XDH: variants seen among roughly 807,000 people sequenced by gnomAD.
XDH encodes xanthine dehydrogenase.
XDH carries 138 observed loss-of-function variants against 156.1 expected under a neutral mutation model. That is an observed-to-expected ratio of 0.88 (90% CI 0.77 to 1.02). The LOEUF is 1.02. Ranked by LOEUF, XDH falls within the 50% of genes least tolerant of loss-of-function variation. The pLI, the probability that XDH is intolerant of heterozygous loss-of-function variation, is 0.00. For missense variants in XDH, 1,849 were observed against 1,684.9 expected, an observed-to-expected ratio of 1.10 and a Z score of -1.71; for synonymous variants, 669 against 625.7, an observed-to-expected ratio of 1.07 and a Z score of -1.03.
chr2:31,404,472 G>A (rs1403069435), intron 2 of XDH, among the ~76,000 whole-genome samples: 1 of 152,180 alleles, frequency 6.6e-6, no homozygotes, highest in Non-Finnish European at 1.5e-5. Flanking sequence ...GCCATAAGCT[G>A]CAAGGTCATC....
At chr2:31,373,002 A>G (rs766320872) in intron 16 of XDH, among the ~76,000 whole-genome samples, 17 of 152,160 alleles carry the variant, frequency 1.1e-4, no homozygotes, top group Admixed American at 1.1e-3. Flanking sequence ...TTTTTGTTTT[A>G]CAAAGTAATC....
chr2:31,368,038 G>C lies in XDH; in HGVS notation c.2120C>G (p.Ser707Cys), dbSNP rs1385257707. 13 of 1,613,996 alleles carry C rather than the reference G, an allele frequency of 8.1e-6. No homozygotes were observed. In the East Asian group the frequency reaches 2.9e-4, roughly 36 times the overall value. The change falls in exon 20 of 36, where the codon TCC (serine) becomes TGC (cysteine). Residue 707 changes from serine to cysteine, a missense_variant. Ser to Cys is a moderately radical substitution (Grantham distance 112). Coordinates refer to ENST00000379416, the MANE Select transcript of XDH (RefSeq NM_000379.4). ...GATCTTCAGCTCAGGTCCATAAAAG[G>C]AGTTGTTCTTTATAGCATCCTGAGG... ...ITIEDAIKNN[S>C]FYGPELKIEK...
Position 31,414,651 on chromosome 2 carries a change from A to C in XDH, c.16T>G (p.Leu6Val). Residue 6 changes from leucine (L) to valine (V), a missense_variant, in exon 1 of 36, where the codon TTG (leucine) becomes GTG (valine). Physicochemically the swap from Leu to Val is conservative, Grantham distance 32. Coordinates refer to ENST00000379416, the MANE Select transcript of XDH (RefSeq NM_000379.4). MTADK[L>V]VFFVNGRKVV... ...TTTCTGCCATTCACAAAGAAAACCAATTTGTCTGCTGTCATTGTCACAGGT... is the reference window on the plus strand; with the variant it reads ...TTTCTGCCATTCACAAAGAAAACCACTTTGTCTGCTGTCATTGTCACAGGT... 6.2e-7 allele frequency: 1 copy of C among 1,613,980 alleles called. No homozygotes were observed. The highest frequency in any genetic ancestry group is 8.5e-7 in the Non-Finnish European group (1 of 1,179,952).
intron 24 of XDH, among the ~76,000 whole-genome samples, chr2:31,357,468 A>G (rs1191042568): frequency 6.6e-6 from 1 of 152,174 alleles, no homozygotes; most frequent in Non-Finnish European, 1.5e-5. Context: ...GATTCTACAC[A>G]CATGAATTTT....
chr2:31,368,636 C>G lies in XDH; in HGVS notation c.2005G>C (p.Gly669Arg). 2 of 1,614,174 alleles carry G rather than the reference C, an allele frequency of 1.2e-6. No homozygotes were observed. The highest frequency in any genetic ancestry group is 1.7e-6 in the Non-Finnish European group (2 of 1,180,032). ...TCCGGGGTGTCAGCAACCACAGCAC[C>G]AATGATATGCCCAACACAAGTAACC... ...DKVTCVGHII[G>R]AVVADTPEHT... The change falls in exon 19 of 36, where the codon GGT becomes CGT. Residue 669 changes from glycine to arginine, a missense_variant. Transcript: ENST00000379416.
chr2:31,335,812 G>A lies in XDH; in HGVS notation c.*146C>T. 1.1e-6 allele frequency: 1 copy of A among 897,346 alleles called. No homozygotes were observed. Among genetic ancestry groups the A allele is most frequent in the South Asian group, 1.4e-5 (1 of 70,378 alleles). 55.6% of individuals were successfully genotyped at this position (897,346 alleles called of 1,614,324 possible). On this transcript the variant is annotated 3_prime_UTR_variant, in exon 36 of 36. Coordinates refer to ENST00000379416, the MANE Select transcript of XDH (RefSeq NM_000379.4). ...ACATTTTTGATCAAAATCTTCCATT[G>A]CATTCACTTGTCTTCCAAATCCCAT... is the stretch of plus-strand genomic sequence containing the variant.
At position 31,337,613 on chromosome 2, in the gene XDH, C is replaced by T. The variant is rs375678624; in HGVS notation, c.3951+28G>A. 26 of 1,613,426 alleles carry T rather than the reference C, an allele frequency of 1.6e-5. No individual in the cohort carries two copies. In the African/African-American group the frequency reaches 3.1e-4, roughly 19 times the overall value. On this transcript the variant is annotated intron_variant, in intron 35 of 35. Coordinates refer to ENST00000379416, the MANE Select transcript of XDH (RefSeq NM_000379.4). ...CAGCCTATCCCTGGCCTCCCCTGGACTGAGTGGATGCTTGAGGGGCATCAT... is the reference window on the plus strand; with the variant it reads ...CAGCCTATCCCTGGCCTCCCCTGGATTGAGTGGATGCTTGAGGGGCATCAT...
At chr2:31,389,828 C>T (rs555026490) in intron 6 of XDH, among the ~76,000 whole-genome samples, 11 of 151,800 alleles carry the variant, frequency 7.2e-5, no homozygotes, top group African/African-American at 2.7e-4. Flanking sequence ...GCTAAGGCTT[C>T]TGCACTGGTG....
At chr2:31,369,138 A>G (rs1347847932) in intron 18 of XDH, among the ~76,000 whole-genome samples, 4 of 151,942 alleles carry the variant, frequency 2.6e-5, no homozygotes, top group South Asian at 2.1e-4. Flanking sequence ...TTTATGTTCT[A>G]TTTCCCAGAT....
rs1382059196 is a variant in XDH at position 31,366,906 on chromosome 2, C to T, written c.2286G>A (p.Glu762=). ...AVPKGEAGEM[E]LFVSTQNTMK... ...TGGTGTTCTGTGTAGACACAAAGAG[C>T]TCCATCTCCCCTGCCTCGCCTTTTG... is the stretch of plus-strand genomic sequence containing the variant. The change falls in exon 21 of 36, where the codon GAG becomes GAA. Residue 762 remains glutamate, a synonymous_variant. Transcript: ENST00000379416. 1.2e-5 allele frequency: 19 copies of T among 1,614,116 alleles called. No individual in the cohort carries two copies. Among genetic ancestry groups the T allele is most frequent in the Non-Finnish European group, 1.4e-5 (16 of 1,180,050 alleles).
chr2:31,399,567 C>A lies in XDH; in HGVS notation c.307-868G>T, dbSNP rs116205141. Reference sequence around the variant, plus strand: ...GGATTTTAGGTTGATTATACAGATACAACCTAATTTGGTTTGGCTGTGTCC... The same window carrying A: ...GGATTTTAGGTTGATTATACAGATAAAACCTAATTTGGTTTGGCTGTGTCC... On this transcript the variant is annotated intron_variant, in intron 4 of 35. Coordinates refer to ENST00000379416, the MANE Select transcript of XDH (RefSeq NM_000379.4). Among the ~76,000 whole-genome samples the A allele has an allele frequency of 3.9e-3, 599 of 152,320 alleles. 3 individuals carry two copies. The highest frequency in any genetic ancestry group is 0.014 in the African/African-American group (576 of 41,580).
At chr2:31,402,629 G>C (rs184021713) in intron 3 of XDH, among the ~76,000 whole-genome samples, 3 of 152,230 alleles carry the variant, frequency 2.0e-5, no homozygotes, top group African/African-American at 4.8e-5. Flanking sequence ...CAAGCAATTA[G>C]TGGGCCTGTG....
intron 15 of XDH, among the ~76,000 whole-genome samples, chr2:31,374,264 G>A (rs4952088): frequency 0.47 from 71,791 of 152,030 alleles, 17,569 homozygotes; most frequent in African/African-American, 0.6. Context: ...TCTGTTGGGA[G>A]TATCCTTCTC....
At chr2:31,360,578 G>C (rs55676250) in intron 24 of XDH, among the ~76,000 whole-genome samples, 1 of 152,112 alleles carries the variant, frequency 6.6e-6, no homozygotes, top group Non-Finnish European at 1.5e-5. Flanking sequence ...TGTCCTGTGC[G>C]GGATGTGAAT....
At chr2:31,369,392 G>A (rs982811283) in intron 18 of XDH, among the ~76,000 whole-genome samples, 2 of 152,110 alleles carry the variant, frequency 1.3e-5, no homozygotes, top group African/African-American at 4.8e-5. Flanking sequence ...AAAGCTTAAT[G>A]GATCTCCTTC....
intron 33 of XDH, 59 bp downstream of exon 33, chr2:31,341,270 G>A: frequency 6.7e-7 from 1 of 1,499,580 alleles, no homozygotes; most frequent in Non-Finnish European, 9.1e-7. Flanking sequence ...GGCCCCAGGA[G>A]GGGAATGGGG....
rs537899370 is a variant in XDH, at chr2:31,348,295, G to A, written c.3120C>T (p.Gly1040=). The stretch of plus-strand genomic sequence containing the variant: ...GGACCATTTTGGTATGAAGGCCTTG[G>A]CCCATCTCAGTCCCCCCGTGGGTCA... The part of the protein sequence containing the change: ...VLLTHGGTEM[G]QGLHTKMVQV... Residue 1040 remains glycine (G), a synonymous_variant, in exon 28 of 36, where the codon GGC becomes GGT. Transcript: ENST00000379416. 1 of 1,614,158 alleles carries A rather than the reference G, an allele frequency of 6.2e-7. No homozygotes were observed. Among genetic ancestry groups the A allele is most frequent in the African/African-American group, 1.3e-5 (1 of 75,028 alleles).
At chr2:31,381,927 G>T (rs528116020) in intron 11 of XDH, among the ~76,000 whole-genome samples, 2 of 152,310 alleles carry the variant, frequency 1.3e-5, no homozygotes, top group South Asian at 4.1e-4. Flanking sequence ...GAATACTTGA[G>T]ATTGGATCCC....
chr2:31,363,241 G>A (rs1308344107), intron 24 of XDH, among the ~76,000 whole-genome samples: 2 of 152,230 alleles, frequency 1.3e-5, no homozygotes, highest in Non-Finnish European at 2.9e-5. Context: ...GAAGCTGGAG[G>A]CAGAGGTTGC....
Sources: allele counts gnomAD v4.1 joint callset (sites outside exome capture counted in the v4.1 genomes callset), GRCh38; gene constraint gnomAD v4.1.1; transcripts MANE v1.5; gene names NCBI Gene and HGNC (gene_info 2026-07-23, HGNC 2026-07-21).